HMGB1: variants seen among roughly 807,000 people sequenced by gnomAD.
HMGB1 encodes the protein high mobility group protein B1.
For synonymous variants in HMGB1, 81 were observed against 84.0 expected (o/e 0.96, Z 0.19); for missense variants, 79 against 253.5 (o/e 0.31, Z 4.67).
At chr13:30,580,457 G>A (rs180976111) in intron 1 of HMGB1, among the ~76,000 whole-genome samples, 1 of 152,100 alleles carries the variant, frequency 6.6e-6, no homozygotes, top group African/African-American at 2.4e-5. Context: ...CATCAGCTAT[G>A]GCTTGTTTTA....
chr13:30,483,946 C>T (rs1566002085), intron 1 of HMGB1, among the ~76,000 whole-genome samples: 1 of 152,154 alleles, frequency 6.6e-6, no homozygotes, highest in East Asian at 1.9e-4. Flanking sequence ...CATCCTAGGC[C>T]ACTCATGGTC....
intron 1 of HMGB1, among the ~76,000 whole-genome samples, chr13:30,584,880 G>A (rs1054849739): frequency 2.0e-5 from 3 of 152,140 alleles, no homozygotes; most frequent in Non-Finnish European, 2.9e-5. Context: ...GGGTGCAGTG[G>A]TTCACGCCTG....
chr13:30,606,970 A>T (rs1950466039), intron 1 of HMGB1, among the ~76,000 whole-genome samples: 1 of 152,222 alleles, frequency 6.6e-6, no homozygotes, highest in South Asian at 2.1e-4. Context: ...TACGTAGCAT[A>T]TTTTAAGAAA....
intron 1 of HMGB1, among the ~76,000 whole-genome samples, chr13:30,593,089 A>T (rs1012883829): frequency 1.3e-5 from 2 of 152,192 alleles, no homozygotes; most frequent in Non-Finnish European, 2.9e-5. Flanking sequence ...TTAATGCAAG[A>T]GAATAGGTAA....
In HMGB1 at chr13:30,559,184, G is replaced by GT. The variant is rs1489007050; in HGVS notation, c.-15+57486dup. Among the ~76,000 whole-genome samples, 4 of 152,132 alleles carry GT rather than the reference G, an allele frequency of 2.6e-5. No homozygotes were observed. Among genetic ancestry groups the GT allele is most frequent in the Non-Finnish European group, 4.4e-5 (3 of 68,026 alleles). ...TGCGGGTGGAGGAAAAATTGCCCCT[G>GT]TTGAGAAGCACTGCCTTAGATCATT... On this transcript the variant is annotated intron_variant, in intron 1 of 4. Coordinates refer to the HMGB1 transcript ENST00000405805. This position sits in a 1 kb window ranked among gnomAD's most constrained non-coding sequence, Gnocchi z 6.6.
chr13:30,556,429 T>C (rs539376047), intron 1 of HMGB1, among the ~76,000 whole-genome samples: 1 of 152,192 alleles, frequency 6.6e-6, no homozygotes, highest in South Asian at 2.1e-4. Context: ...AACAAGTCAT[T>C]GATAGTATAA....
chr13:30,536,974 C>G lies in HMGB1; in HGVS notation c.-14-73280G>C, dbSNP rs374982262. Among the ~76,000 whole-genome samples, 37 of 152,304 alleles carry G rather than the reference C, an allele frequency of 2.4e-4. No homozygotes were observed. The East Asian group carries it at 5.6e-3, about 23-fold the overall frequency. On this transcript the variant is annotated intron_variant, in intron 1 of 4. Transcript: ENST00000405805. ...ACCATCATTTTGGAAATTCTCTTCC[C>G]TTCTTCTCCGTTCCATGGGTCCTCT... is the stretch of plus-strand genomic sequence containing the variant.
intron 4 of HMGB1, chr13:30,461,766 A>G (rs1886355493): frequency 2.0e-6 from 2 of 1,022,844 alleles, no homozygotes; most frequent in Admixed American, 2.3e-5. Context: ...TAATATTTGC[A>G]AAGTTATGCC....
intron 1 of HMGB1, among the ~76,000 whole-genome samples, chr13:30,586,556 C>T (rs1252459780): frequency 7.2e-6 from 1 of 138,032 alleles, no homozygotes; most frequent in Non-Finnish European, 1.5e-5. Context: ...GGTGCAATCT[C>T]GGCTCACTGC....
intron 1 of HMGB1, among the ~76,000 whole-genome samples, chr13:30,519,442 T>C (rs916261529): frequency 4.0e-5 from 6 of 148,714 alleles, no homozygotes; most frequent in African/African-American, 1.2e-4. Context: ...ACGCCTGTAA[T>C]CCCAGCACTT....
At chr13:30,493,279 C>A (rs1046687784) in intron 1 of HMGB1, among the ~76,000 whole-genome samples, 1 of 152,180 alleles carries the variant, frequency 6.6e-6, no homozygotes, top group Non-Finnish European at 1.5e-5. Flanking sequence ...ATGCTCACAA[C>A]ATGGATGGCT....
At position 30,482,944 on chromosome 13, in the gene HMGB1, A is replaced by C. The variant is rs938904985; in HGVS notation, c.-14-19250T>G. On this transcript the variant is annotated intron_variant, in intron 1 of 4. Coordinates refer to the HMGB1 transcript ENST00000405805. Reference sequence around the variant, plus strand: ...CTAGGACTACAAGTGCACACCACCAACACCAGCTATTTTTTTTTTTTTTCC... The same window carrying C: ...CTAGGACTACAAGTGCACACCACCACCACCAGCTATTTTTTTTTTTTTTCC... Among the ~76,000 whole-genome samples, 28 of 131,718 alleles carry C rather than the reference A, an allele frequency of 2.1e-4. 1 individual carries two copies. Among genetic ancestry groups the C allele is most frequent in the African/African-American group, 7.2e-4 (25 of 34,910 alleles). 86.4% of individuals were successfully genotyped at this position (131,718 alleles called of 152,430 possible). A position where few individuals can be genotyped will look rare whatever the true frequency, so the allele number is the denominator to read the frequency against.
rs1045512076 is a variant in HMGB1, at chr13:30,571,290, T to C, written c.-15+45381A>G. Reference sequence around the variant, plus strand: ...TCCTCTTCCAGGATTAGCAAAAAAATGGTTTTTTTTTTTTTTTTTTCCGAG... The same window carrying C: ...TCCTCTTCCAGGATTAGCAAAAAAACGGTTTTTTTTTTTTTTTTTTCCGAG... On this transcript the variant is annotated intron_variant, in intron 1 of 4. Transcript: ENST00000405805. Among the ~76,000 whole-genome samples the C allele has an allele frequency of 3.3e-5, 5 of 149,806 alleles. No homozygotes were observed. The East Asian group carries it at 5.9e-4, about 18-fold the overall frequency.
intron 1 of HMGB1, among the ~76,000 whole-genome samples, chr13:30,471,612 C>G (rs1382419538): frequency 6.7e-6 from 1 of 149,372 alleles, no homozygotes; most frequent in Non-Finnish European, 1.5e-5. Context: ...GCCTCCGCCT[C>G]CCAAAGTGCT....
At chr13:30,537,652 CAT>C (rs58424009) in intron 1 of HMGB1, among the ~76,000 whole-genome samples, 3,207 of 66,654 alleles carry the variant, frequency 0.048, 58 homozygotes, top group Admixed American at 0.068. Context: ...CATTCTTGTT[CAT>C]ATATATATAT....
chr13:30,508,708 C>A (rs1413765839), intron 1 of HMGB1, among the ~76,000 whole-genome samples: 2 of 152,108 alleles, frequency 1.3e-5, no homozygotes, highest in African/African-American at 4.8e-5. Flanking sequence ...GGAGTCTAAT[C>A]ATAACCTGAA....
intron 1 of HMGB1, among the ~76,000 whole-genome samples, chr13:30,516,378 T>C (rs1252164361): frequency 1.3e-5 from 2 of 152,158 alleles, no homozygotes; most frequent in Non-Finnish European, 2.9e-5. Flanking sequence ...GTCAACAAAT[T>C]TGAAAAGTGA....
intron 1 of HMGB1, among the ~76,000 whole-genome samples, chr13:30,592,685 A>G (rs541042502): frequency 6.6e-5 from 10 of 151,916 alleles, no homozygotes; most frequent in Admixed American, 6.5e-4. Flanking sequence ...ATCTCAAAGC[A>G]TCTTTCTTAA....
In HMGB1 at chr13:30,460,187, TTCTTCCTA is replaced by T. The variant is rs1886227365; in HGVS notation, c.*1162_*1169del. On this transcript the variant is annotated 3_prime_UTR_variant, in exon 5 of 5. Coordinates refer to ENST00000341423, the MANE Select transcript of HMGB1 (RefSeq NM_002128.7). ...TACTGAGATGCAAAGTTTGTCTTCT[TTCTTCCTA>T]TCTACTTGGATTTATAAAGGGGCAA... 2.0e-5 allele frequency: 3 copies of T among 149,966 alleles called. No homozygotes were observed. The highest frequency in any genetic ancestry group is 7.7e-5 in the African/African-American group (3 of 38,902). 9.3% of individuals were successfully genotyped at this position (149,966 alleles called of 1,614,324 possible). A position where few individuals can be genotyped will look rare whatever the true frequency, so the allele number is the denominator to read the frequency against.
Sources: gnomAD v4.1 joint callset for allele counts (sites outside exome capture counted in the v4.1 genomes callset) on GRCh38, gnomAD v4.1.1 for gene constraint, Gnocchi (gnomAD v3.1) non-coding constraint, MANE v1.5 for transcripts, NCBI Gene and HGNC (gene_info 2026-07-23, HGNC 2026-07-21) for gene names.